The following LRRC4C variants were observed in gnomAD, a reference collection of about 807,000 sequenced individuals.
LRRC4C encodes leucine rich repeat containing 4C.
Under a neutral mutation model 33.6 loss-of-function variants are expected in LRRC4C, and 5 were observed. The ratio of observed to expected loss-of-function variants is 0.15; its 90% confidence interval spans 0.08 to 0.31. The LOEUF (loss-of-function observed/expected upper bound fraction) is 0.31, where lower values mean the gene tolerates loss of function less well. Ranked by LOEUF, LRRC4C falls within the 10% of genes least tolerant of loss-of-function variation. The pLI is 1.00. For synonymous variants in LRRC4C, 329 were observed against 302.0 expected (o/e 1.09, Z -0.93); for missense variants, 560 against 796.7 (o/e 0.70, Z 3.58).
intron 1 of LRRC4C, among the ~76,000 whole-genome samples, chr11:41,002,734 T>C (rs975914447): frequency 6.6e-5 from 10 of 152,140 alleles, no homozygotes; most frequent in African/African-American, 2.4e-4. Flanking sequence ...CTCATGACCA[T>C]CTAGCATCAC....
chr11:41,173,101 A>G (rs1945045978), intron 1 of LRRC4C, among the ~76,000 whole-genome samples: 1 of 152,166 alleles, frequency 6.6e-6, no homozygotes. Context: ...GCCATTCTCC[A>G]AAATAGTCTC....
chr11:40,169,360 A>C (rs1462540906), intron 5 of LRRC4C, among the ~76,000 whole-genome samples: 2 of 152,158 alleles, frequency 1.3e-5, no homozygotes. Flanking sequence ...ATGTGTATAT[A>C]TTATTTTAAA....
intron 1 of LRRC4C, among the ~76,000 whole-genome samples, chr11:41,328,346 T>TA (rs1168794336): frequency 6.6e-6 from 1 of 152,210 alleles, no homozygotes; most frequent in Non-Finnish European, 1.5e-5. Context: ...CCTCACTGTC[T>TA]AAAAAATTAG....
intron 5 of LRRC4C, among the ~76,000 whole-genome samples, chr11:40,170,192 T>A (rs776732596): frequency 2.6e-5 from 4 of 152,210 alleles, no homozygotes; most frequent in African/African-American, 7.2e-5. Flanking sequence ...TATAACCCAA[T>A]ACACACATAT....
chr11:41,251,576 G>A (rs1555124072), intron 1 of LRRC4C, among the ~76,000 whole-genome samples: 1 of 152,142 alleles, frequency 6.6e-6, no homozygotes, highest in Non-Finnish European at 1.5e-5. Flanking sequence ...AATATACTCA[G>A]TAATATATGG....
intron 2 of LRRC4C, among the ~76,000 whole-genome samples, chr11:40,708,493 G>A (rs868632554): frequency 2.6e-5 from 4 of 152,166 alleles, no homozygotes; most frequent in African/African-American, 7.2e-5. Flanking sequence ...TCAGGAGCAG[G>A]TTGTTCAGTT....
intron 3 of LRRC4C, among the ~76,000 whole-genome samples, chr11:40,331,509 A>G (rs1332465691): frequency 6.6e-6 from 1 of 152,244 alleles, no homozygotes; most frequent in Non-Finnish European, 1.5e-5. Context: ...TGACTGAAAC[A>G]TGGATGGGCT....
chr11:41,104,414 C>A lies in LRRC4C; in HGVS notation c.-495-170691G>T, dbSNP rs149768504. 4.4e-3 allele frequency among the ~76,000 whole-genome samples: 666 copies of A among 151,834 alleles called. 19 individuals are homozygous for A. In the East Asian group the frequency reaches 0.047, roughly 11 times the overall value. On this transcript the variant is annotated intron_variant, in intron 1 of 6. Transcript: ENST00000528697. ...TGCTAATTAAAATTATAATAAGGTT[C>A]AAAATTTATACCTACTAAGAAGGCT...
intron 4 of LRRC4C, among the ~76,000 whole-genome samples, chr11:40,254,639 A>G (rs1335001761): frequency 2.6e-5 from 4 of 152,244 alleles, no homozygotes; most frequent in Non-Finnish European, 5.9e-5. Flanking sequence ...ATATACGCAT[A>G]TGAATATTTT....
At chr11:41,149,023 C>T (rs944533856) in intron 1 of LRRC4C, among the ~76,000 whole-genome samples, 6 of 152,072 alleles carry the variant, frequency 3.9e-5, no homozygotes, top group Admixed American at 3.9e-4. Flanking sequence ...AGAAATCTAC[C>T]ATTATTGGAC....
intron 1 of LRRC4C, among the ~76,000 whole-genome samples, chr11:41,333,617 A>G (rs1951362187): frequency 6.6e-6 from 1 of 152,180 alleles, no homozygotes; most frequent in East Asian, 1.9e-4. Context: ...TGCCCTTAAC[A>G]GCTTTACCTT....
At chr11:40,824,639 T>C (rs1045521097) in intron 2 of LRRC4C, among the ~76,000 whole-genome samples, 1 of 151,952 alleles carries the variant, frequency 6.6e-6, no homozygotes, top group African/African-American at 2.4e-5. Flanking sequence ...ATCATGCTAA[T>C]AGTCTTCTTA....
chr11:41,125,654 G>A (rs949609580), intron 1 of LRRC4C, among the ~76,000 whole-genome samples: 1 of 152,010 alleles, frequency 6.6e-6, no homozygotes, highest in Admixed American at 6.6e-5. Flanking sequence ...GGTAGATTTT[G>A]TTCATCCACA....
intron 1 of LRRC4C, among the ~76,000 whole-genome samples, chr11:41,407,917 T>A (rs1233060724): frequency 6.6e-6 from 1 of 152,168 alleles, no homozygotes; most frequent in Non-Finnish European, 1.5e-5. Flanking sequence ...ACATAGCAGC[T>A]GTGGAAAGCT....
chr11:41,071,277 A>G (rs1475284171), intron 1 of LRRC4C, among the ~76,000 whole-genome samples: 1 of 152,016 alleles, frequency 6.6e-6, no homozygotes, highest in East Asian at 1.9e-4. Flanking sequence ...TAGGGAAAGC[A>G]TTAGGAAAAA....
intron 2 of LRRC4C, among the ~76,000 whole-genome samples, chr11:40,905,393 AG>A: frequency 6.6e-6 from 1 of 151,896 alleles, no homozygotes; most frequent in Non-Finnish European, 1.5e-5. Flanking sequence ...TATAGAAGGC[AG>A]GAAAAAAAAA....
chr11:41,453,793 G>C (rs1027451001), intron 1 of LRRC4C, among the ~76,000 whole-genome samples: 7 of 151,858 alleles, frequency 4.6e-5, no homozygotes, highest in African/African-American at 1.7e-4. Context: ...ATATTTTCTT[G>C]GTGTGTGTTG....
chr11:40,262,998 AT>A (rs908595876), intron 4 of LRRC4C, among the ~76,000 whole-genome samples: 24 of 151,834 alleles, frequency 1.6e-4, no homozygotes, highest in Admixed American at 1.1e-3. Flanking sequence ...AAAAAAAAGA[AT>A]TTTTTTTGGC....
chr11:40,943,003 T>C (rs1404617815), intron 1 of LRRC4C, among the ~76,000 whole-genome samples: 1 of 152,178 alleles, frequency 6.6e-6, no homozygotes, highest in African/African-American at 2.4e-5. Flanking sequence ...AGCTCAGGTG[T>C]TGAAAGCAGA....
Sources: gnomAD v4.1 joint callset for allele counts (sites outside exome capture counted in the v4.1 genomes callset) on GRCh38, gnomAD v4.1.1 for gene constraint, MANE v1.5 for transcripts, NCBI Gene and HGNC (gene_info 2026-07-23, HGNC 2026-07-21) for gene names.